The following ENO4 variants were observed in gnomAD, a reference collection of about 807,000 sequenced individuals.
ENO4 encodes 2-phospho-D-glycerate hydro-lyase.
A neutral mutation model predicts 63.2 loss-of-function variants in ENO4; 53 were observed. That is an observed-to-expected ratio of 0.84 (90% CI 0.67 to 1.05). ENO4 has a LOEUF of 1.05. Ranked by LOEUF, ENO4 falls within the 50% of genes least tolerant of loss-of-function variation. The pLI is 0.00. For missense variants in ENO4, 719 were observed against 772.0 expected, an observed-to-expected ratio of 0.93 and a Z score of 0.81; for synonymous variants, 266 against 283.8, an observed-to-expected ratio of 0.94 and a Z score of 0.63.
intron 10 of ENO4, among the ~76,000 whole-genome samples, chr10:116,909,108 T>C (rs1406933724): frequency 6.6e-6 from 1 of 152,210 alleles, no homozygotes; most frequent in Admixed American, 6.5e-5. Context: ...ATTCCTTCAC[T>C]TTATAGAAAA....
At chr10:116,901,279 A>C in intron 10 of ENO4, 1 of 985,362 alleles carries the variant, frequency 1.0e-6, no homozygotes, top group Non-Finnish European at 1.2e-6. Context: ...GTCTATACAG[A>C]TAACTCTTTA....
chr10:116,911,951 T>TA, downstream of ENO4: 1 of 783,622 alleles, frequency 1.3e-6, no homozygotes, highest in Non-Finnish European at 2.2e-6. Flanking sequence ...GTAATATGTA[T>TA]GACTATATAT....
chr10:116,855,824 G>A, intron 2 of ENO4, 73 bp downstream of exon 2: 11 of 1,410,638 alleles, frequency 7.8e-6, no homozygotes, highest in Non-Finnish European at 1.0e-5. Context: ...TGTCTAAGCT[G>A]TAGAAAATTA....
At position 116,856,194 on chromosome 10, in the gene ENO4, T is replaced by C. The variant is rs540842784; in HGVS notation, c.295-298T>C. ...TATTTGTTAGAAATAATTTTTGCCA[T>C]AGTCTCTGGTAGGAGAATAATGATG... On this transcript the variant is annotated intron_variant, in intron 2 of 13. Transcript: ENST00000341276. Among the ~76,000 whole-genome samples, 4 of 152,360 alleles carry C rather than the reference T, an allele frequency of 2.6e-5. No homozygotes were observed. In the South Asian group the frequency reaches 8.3e-4, roughly 32 times the overall value.
intron 3 of ENO4, 139 bp downstream of exon 3, chr10:116,856,821 C>T (rs966934387): frequency 1.4e-6 from 1 of 691,048 alleles, no homozygotes; most frequent in Non-Finnish European, 2.2e-6. Context: ...AACCCAGTCT[C>T]TACTCAAAAT....
At chr10:116,887,310 G>C (rs892434463), downstream of ENO4, among the ~76,000 whole-genome samples, 1 of 152,214 alleles carries the variant, frequency 6.6e-6, no homozygotes, top group Non-Finnish European at 1.5e-5. Flanking sequence ...AATGGGTGAG[G>C]ATTTCATTAT....
At chr10:116,875,209 G>T (rs1846795216) in intron 10 of ENO4, among the ~76,000 whole-genome samples, 1 of 152,074 alleles carries the variant, frequency 6.6e-6, no homozygotes, top group Non-Finnish European at 1.5e-5. Context: ...ATAAATGCTG[G>T]TCCTGATGTG....
At position 116,874,058 on chromosome 10, in the gene ENO4, T is replaced by C; in HGVS notation, c.1216-18T>C. 1 of 1,523,274 alleles carries C rather than the reference T, an allele frequency of 6.6e-7. No homozygotes were observed. Among genetic ancestry groups the C allele is most frequent in the Non-Finnish European group, 8.9e-7 (1 of 1,126,768 alleles). The allele number at this position is 1,523,274 out of a possible 1,614,324, so 94.4% of individuals were successfully genotyped here. ...CATTATTTATCCCTTATTTTAATAT[T>C]TTCCTGACACATATCAGAATAAAGG... On this transcript the variant is annotated intron_variant, in intron 9 of 13. Transcript: ENST00000341276.
At chr10:116,884,490 G>T, downstream of ENO4, 1 of 330,526 alleles carries the variant, frequency 3.0e-6, no homozygotes. Context: ...TCACCCAAAG[G>T]GCAACTTCTT....
At chr10:116,906,901 C>G (rs571371196) in intron 10 of ENO4, among the ~76,000 whole-genome samples, 1 of 152,156 alleles carries the variant, frequency 6.6e-6, no homozygotes, top group Non-Finnish European at 1.5e-5. Flanking sequence ...TAAATGTGCA[C>G]ATTTTCAACA....
intron 13 of ENO4, among the ~76,000 whole-genome samples, chr10:116,880,199 T>C (rs1846965837): frequency 6.6e-6 from 1 of 152,200 alleles, no homozygotes; most frequent in African/African-American, 2.4e-5. Context: ...TCGCCCTTTT[T>C]CTTGATGAAT....
chr10:116,885,158 C>T (rs1442860829), downstream of ENO4: 15 of 152,644 alleles, frequency 9.8e-5, no homozygotes, highest in Admixed American at 9.8e-4. Context: ...TTATTACTAT[C>T]ATTTTCTTTT....
At position 116,902,233 on chromosome 10, in the gene ENO4, G is replaced by A. The variant is rs186348114; in HGVS notation, c.1195-9266G>A. ...ATTCCCTCACTGACCAGGGTCCTTCGTAATACTGGAATTGTGGAAAGTCTT... is the reference window on the plus strand; with the variant it reads ...ATTCCCTCACTGACCAGGGTCCTTCATAATACTGGAATTGTGGAAAGTCTT... On this transcript the variant is annotated intron_variant, in intron 10 of 10. Transcript: ENST00000369207. Among the ~76,000 whole-genome samples, 762 of 152,238 alleles carry A rather than the reference G, an allele frequency of 5.0e-3. 10 individuals are homozygous for A. Among genetic ancestry groups the A allele is most frequent in the African/African-American group, 0.017 (717 of 41,532 alleles).
At chr10:116,887,457 T>G (rs980641411), downstream of ENO4, among the ~76,000 whole-genome samples, 1 of 152,128 alleles carries the variant, frequency 6.6e-6, no homozygotes, top group Non-Finnish European at 1.5e-5. Context: ...TCAGGCCTTT[T>G]TGTCCCTGAG....
At chr10:116,851,977 A>G (rs1846101137) in intron 1 of ENO4, among the ~76,000 whole-genome samples, 1 of 152,048 alleles carries the variant, frequency 6.6e-6, no homozygotes, top group Non-Finnish European at 1.5e-5. Flanking sequence ...TCCCCTCCCA[A>G]ACCTCATCTT....
At chr10:116,905,494 G>A (rs1272230426) in intron 10 of ENO4, among the ~76,000 whole-genome samples, 1 of 151,992 alleles carries the variant, frequency 6.6e-6, no homozygotes, top group Non-Finnish European at 1.5e-5. Flanking sequence ...GCTGATTTTT[G>A]TTTTTTAAAG....
chr10:116,876,328 C>A (rs2133278023), intron 11 of ENO4, 68 bp downstream of exon 11: 1 of 1,191,530 alleles, frequency 8.4e-7, no homozygotes. Flanking sequence ...AAATACACAG[C>A]ATATCAAAGT....
At chr10:116,860,550 C>G (rs1262441709) in intron 4 of ENO4, among the ~76,000 whole-genome samples, 3 of 152,184 alleles carry the variant, frequency 2.0e-5, no homozygotes, top group Non-Finnish European at 4.4e-5. Context: ...ATAAAAATAT[C>G]TACCTCATAT....
rs529586945 is a variant in ENO4 at position 116,856,597 on chromosome 10, G to A, written c.400G>A (p.Ala134Thr). ...AGAGAGGGCCAGCGCGGTGAGCACCGCCGTGCAGTGGGTCAACAGCACCAT... is the reference window on the plus strand; with the variant it reads ...AGAGAGGGCCAGCGCGGTGAGCACCACCGTGCAGTGGGTCAACAGCACCAT... ...EAERASAVST[A>T]VQWVNSTITH... Residue 134 changes from alanine to threonine, a missense_variant, in exon 3 of 14, where the codon GCC (alanine) becomes ACC (threonine). Ala to Thr is a moderately conservative substitution (Grantham distance 58, BLOSUM62 0). Transcript: ENST00000341276. The A allele has an allele frequency of 7.2e-6, 11 of 1,535,996 alleles. No homozygotes were observed. Among genetic ancestry groups the A allele is most frequent in the South Asian group, 3.6e-5 (3 of 84,066 alleles).
Sources: gnomAD v4.1 joint callset for allele counts (sites outside exome capture counted in the v4.1 genomes callset) on GRCh38, gnomAD v4.1.1 for gene constraint, MANE v1.5 for transcripts, NCBI Gene and HGNC (gene_info 2026-07-23, HGNC 2026-07-21) for gene names.